NRXN3: variants seen among roughly 807,000 people sequenced by gnomAD.
NRXN3 encodes neurexin III.
NRXN3 carries 32 observed loss-of-function variants against 137.6 expected under a neutral mutation model. The observed-to-expected ratio is 0.23, with a 90% CI of 0.18 to 0.31. The LOEUF (loss-of-function observed/expected upper bound fraction) is 0.31. Ranked by LOEUF, NRXN3 falls within the 10% of genes least tolerant of loss-of-function variation. The pLI is 1.00. For synonymous variants in NRXN3, 798 were observed against 784.5 expected, an observed-to-expected ratio of 1.02 and a Z score of -0.29; for missense variants, 1,574 against 2,062.5, an observed-to-expected ratio of 0.76 and a Z score of 4.59.
intron 17 of NRXN3, among the ~76,000 whole-genome samples, chr14:79,681,661 G>T (rs1365503997): frequency 6.6e-6 from 1 of 152,100 alleles, no homozygotes; most frequent in Non-Finnish European, 1.5e-5. Flanking sequence ...GAACCCCAAG[G>T]GTGAAAAGAT....
At chr14:79,488,027 A>G (rs1214157542) in intron 16 of NRXN3, among the ~76,000 whole-genome samples, 1 of 152,158 alleles carries the variant, frequency 6.6e-6, no homozygotes, top group African/African-American at 2.4e-5. Flanking sequence ...TGTGATAATT[A>G]GAGATACTTC....
At chr14:79,829,803 A>G (rs1325162702) in intron 20 of NRXN3, among the ~76,000 whole-genome samples, 2 of 149,800 alleles carry the variant, frequency 1.3e-5, no homozygotes, top group Non-Finnish European at 3.0e-5. Context: ...GTGGCCACTG[A>G]ATCCAATGAC....
intron 8 of NRXN3, among the ~76,000 whole-genome samples, chr14:78,760,187 C>T (rs997698962): frequency 3.3e-5 from 5 of 151,114 alleles, no homozygotes; most frequent in Non-Finnish European, 7.4e-5. Context: ...TGGGACTAGG[C>T]GCCCACCACC....
chr14:79,128,544 A>T (rs1718345658), intron 15 of NRXN3, among the ~76,000 whole-genome samples: 1 of 151,230 alleles, frequency 6.6e-6, no homozygotes, highest in South Asian at 2.1e-4. Flanking sequence ...ATCATGGTGG[A>T]TAAGCTTTTT....
At chr14:78,212,858 A>G (rs1279452065) in intron 1 of NRXN3, among the ~76,000 whole-genome samples, 1 of 152,156 alleles carries the variant, frequency 6.6e-6, no homozygotes, top group Non-Finnish European at 1.5e-5. Context: ...GTCAAATGAA[A>G]TCTTACATAG....
chr14:79,435,057 G>C (rs2153559309), intron 15 of NRXN3, among the ~76,000 whole-genome samples: 1 of 152,266 alleles, frequency 6.6e-6, no homozygotes, highest in South Asian at 2.1e-4. Context: ...CACTGCAACT[G>C]AATATCTGAT....
intron 15 of NRXN3, among the ~76,000 whole-genome samples, chr14:79,238,427 G>A (rs1207063617): frequency 6.6e-6 from 1 of 152,020 alleles, no homozygotes; most frequent in East Asian, 1.9e-4. Flanking sequence ...AGTGAAACTT[G>A]CTTGAATGGA....
chr14:78,534,242 A>G (rs1005418602), intron 4 of NRXN3, among the ~76,000 whole-genome samples: 1 of 152,196 alleles, frequency 6.6e-6, no homozygotes, highest in African/African-American at 2.4e-5. Context: ...TCTACTGTGG[A>G]GACTTTTAAG....
intron 19 of NRXN3, among the ~76,000 whole-genome samples, chr14:79,719,382 G>T (rs892980599): frequency 7.8e-6 from 1 of 127,788 alleles, no homozygotes; most frequent in Non-Finnish European, 1.7e-5. Context: ...GTATATATAT[G>T]TGTGTGTATA....
chr14:78,298,149 G>C (rs1177541991), intron 4 of NRXN3, among the ~76,000 whole-genome samples: 1 of 152,248 alleles, frequency 6.6e-6, no homozygotes, highest in African/African-American at 2.4e-5. Context: ...ATGAAACCAG[G>C]CATGACGGTG....
At chr14:78,259,313 G>A (rs2070286099) in intron 2 of NRXN3, among the ~76,000 whole-genome samples, 1 of 152,144 alleles carries the variant, frequency 6.6e-6, no homozygotes, top group South Asian at 2.1e-4. Context: ...CAAACGCAGA[G>A]AAATGAAGTG....
At chr14:79,602,259 A>G (rs1478460825) in intron 16 of NRXN3, among the ~76,000 whole-genome samples, 4 of 152,178 alleles carry the variant, frequency 2.6e-5, no homozygotes, top group Non-Finnish European at 5.9e-5. Flanking sequence ...GTATATATGA[A>G]ATTATGCCAT....
At position 78,234,998 on chromosome 14, in the gene NRXN3, A is replaced by ATATATATATATATATATATGTG. The variant is rs1555418523; in HGVS notation, c.-703-7374_-703-7373insGTGTATATATATATATATATAT. 5.7e-3 allele frequency among the ~76,000 whole-genome samples: 163 copies of ATATATATATATATATATATGTG among 28,790 alleles called. 1 individual carries two copies. The highest frequency in any genetic ancestry group is 9.5e-3 in the African/African-American group (46 of 4,822). 18.9% of individuals were successfully genotyped at this position (28,790 alleles called of 152,430 possible). On this transcript the variant is annotated intron_variant, in intron 1 of 20. Transcript: ENST00000335750. ...ATCTGGCAGCCACAAATGCTTTTAT[A>ATATATATATATATATATATGTG]TATATATATATATATATATATATAT...
At chr14:79,375,420 G>A (rs143371942) in intron 15 of NRXN3, among the ~76,000 whole-genome samples, 30 of 151,860 alleles carry the variant, frequency 2.0e-4, no homozygotes, top group African/African-American at 7.0e-4. Flanking sequence ...ACATGCTCAT[G>A]CACTGTCTGG....
intron 15 of NRXN3, among the ~76,000 whole-genome samples, chr14:79,441,528 C>G (rs903405054): frequency 6.6e-6 from 1 of 151,458 alleles, no homozygotes; most frequent in Non-Finnish European, 1.5e-5. Context: ...TACAGGCGCC[C>G]GCCACCGCAC....
At chr14:78,553,441 C>T (rs1425606365) in intron 4 of NRXN3, among the ~76,000 whole-genome samples, 3 of 152,148 alleles carry the variant, frequency 2.0e-5, no homozygotes, top group African/African-American at 7.2e-5. Flanking sequence ...TCAAGGGTCC[C>T]CATGTTAGGT....
At chr14:78,293,620 T>G (rs1292622177) in intron 3 of NRXN3, among the ~76,000 whole-genome samples, 1 of 152,204 alleles carries the variant, frequency 6.6e-6, no homozygotes, top group African/African-American at 2.4e-5. Flanking sequence ...AACTGAACTC[T>G]GTGCCTCCGT....
intron 1 of NRXN3, among the ~76,000 whole-genome samples, chr14:78,238,960 C>A (rs958362855): frequency 1.3e-5 from 2 of 152,202 alleles, no homozygotes; most frequent in African/African-American, 4.8e-5. Flanking sequence ...CATGGGTTTC[C>A]TCAGGTCACT....
chr14:79,773,362 AG>A lies in NRXN3; in HGVS notation c.4015-31749del, dbSNP rs373326354. 2.0e-4 allele frequency among the ~76,000 whole-genome samples: 31 copies of A among 152,232 alleles called. No individual in the cohort carries two copies. The East Asian group carries it at 4.1e-3, about 20-fold the overall frequency. On this transcript the variant is annotated intron_variant, in intron 19 of 20. Transcript: ENST00000335750. ...ATTGCGGCATTATTCACAACAGCAA[AG>A]ACTTGGAACCAACCCAAATGTCCAC...
Sources: allele counts gnomAD v4.1 joint callset (sites outside exome capture counted in the v4.1 genomes callset), GRCh38; gene constraint gnomAD v4.1.1; transcripts MANE v1.5; gene names NCBI Gene and HGNC (gene_info 2026-07-23, HGNC 2026-07-21).